Variants in MAN1C1 observed in about 807,000 individuals in gnomAD.
The protein encoded by MAN1C1 is mannosidase alpha class 1C member 1.
A neutral mutation model predicts 71.5 loss-of-function variants in MAN1C1; 49 were observed. The ratio of observed to expected loss-of-function variants is 0.69; its 90% confidence interval spans 0.54 to 0.87. The LOEUF (loss-of-function observed/expected upper bound fraction) is 0.87. Ranked by LOEUF, MAN1C1 falls within the 40% of genes least tolerant of loss-of-function variation. The pLI is 0.00. For missense variants in MAN1C1, 743 were observed against 835.0 expected (o/e 0.89, Z 1.36); for synonymous variants, 352 against 343.7 (o/e 1.02, Z -0.27).
chr1:25,752,582 G>A (rs1320228744), intron 4 of MAN1C1, among the ~76,000 whole-genome samples: 1 of 152,192 alleles, frequency 6.6e-6, no homozygotes. Flanking sequence ...TCTAAACAAT[G>A]CTGGAATAAA....
intron 1 of MAN1C1, among the ~76,000 whole-genome samples, chr1:25,681,050 T>C (rs1265811874): frequency 1.3e-5 from 2 of 151,246 alleles, no homozygotes; most frequent in Non-Finnish European, 3.0e-5. Context: ...GAGAAACCCC[T>C]TCTCTACTAA....
intron 3 of MAN1C1, 123 bp from the exon 4 acceptor site, chr1:25,749,132 T>A (rs2047177115): frequency 1.5e-6 from 1 of 679,016 alleles, no homozygotes; most frequent in African/African-American, 1.8e-5. Context: ...CATCGTCACC[T>A]TGCCTGGCTT....
At chr1:25,757,534 C>T (rs558234094) in intron 5 of MAN1C1, among the ~76,000 whole-genome samples, 1 of 152,194 alleles carries the variant, frequency 6.6e-6, no homozygotes, top group Admixed American at 6.5e-5. Flanking sequence ...GAACCACCCC[C>T]ATTCTGCACC....
At chr1:25,628,751 C>T (rs1371569110) in intron 1 of MAN1C1, among the ~76,000 whole-genome samples, 1 of 151,974 alleles carries the variant, frequency 6.6e-6, no homozygotes, top group Admixed American at 6.6e-5. Context: ...TTTTTAATCC[C>T]TCCCCCTTCT....
rs1373740217 is a variant in MAN1C1 at position 25,775,215 on chromosome 1, A to T, written c.1258-2890A>T. On this transcript the variant is annotated intron_variant, in intron 8 of 11. Coordinates refer to ENST00000374332, the MANE Select transcript of MAN1C1 (RefSeq NM_020379.4). The surrounding 1 kb of genome is among the most constrained non-coding windows in gnomAD (Gnocchi z 5.1). Reference sequence around the variant, plus strand: ...CACTCCTCCCCTGCACCGCAGGCTTAGTGACGCCGAGCAGCTGCCAGGGAC... The same window carrying T: ...CACTCCTCCCCTGCACCGCAGGCTTTGTGACGCCGAGCAGCTGCCAGGGAC... Among the ~76,000 whole-genome samples, 1 of 152,220 alleles carries T rather than the reference A, an allele frequency of 6.6e-6. No individual in the cohort carries two copies. The highest frequency in any genetic ancestry group is 1.5e-5 in the Non-Finnish European group (1 of 68,044).
intron 1 of MAN1C1, among the ~76,000 whole-genome samples, chr1:25,628,013 C>A (rs1181211193): frequency 1.3e-5 from 2 of 152,272 alleles, no homozygotes; most frequent in Admixed American, 1.3e-4. Flanking sequence ...CAACACTGTA[C>A]TCCAGCCTGG....
intron 2 of MAN1C1, among the ~76,000 whole-genome samples, chr1:25,721,457 C>A (rs1215839047): frequency 6.6e-6 from 1 of 152,010 alleles, no homozygotes; most frequent in Non-Finnish European, 1.5e-5. Flanking sequence ...CTTTAATTTC[C>A]CTCAACAATA....
rs142474590 is a variant in MAN1C1 at position 25,665,669 on chromosome 1, G to A, written c.541-20771G>A. 9.4e-3 allele frequency among the ~76,000 whole-genome samples: 1,435 copies of A among 152,094 alleles called. 13 individuals carry two copies. The highest frequency in any genetic ancestry group is 0.013 in the Non-Finnish European group (895 of 68,008). On this transcript the variant is annotated intron_variant, in intron 1 of 11. Coordinates refer to ENST00000374332, the MANE Select transcript of MAN1C1 (RefSeq NM_020379.4). ...GAAGATCACTGATGGAGAAAACAGG[G>A]CATTAGATATTGCAGGTGGAGTCTG...
chr1:25,707,942 C>A lies in MAN1C1; in HGVS notation c.637+21406C>A, dbSNP rs1188442851. Among the ~76,000 whole-genome samples the A allele has an allele frequency of 2.0e-5, 3 of 152,132 alleles. No homozygotes were observed. In the East Asian group the frequency reaches 5.8e-4, roughly 29 times the overall value. ...GGCTGGGATGGACCCCCAGGATGGA[C>A]CCTGTCAGAAGTCATGAACTGGCTG... On this transcript the variant is annotated intron_variant, in intron 2 of 11. Transcript: ENST00000374332.
At chr1:25,740,832 G>A (rs566939911) in intron 2 of MAN1C1, among the ~76,000 whole-genome samples, 26 of 152,160 alleles carry the variant, frequency 1.7e-4, no homozygotes, top group Admixed American at 1.0e-3. Context: ...CCAAGGGGGC[G>A]GGGAGGAAGC....
Position 25,763,969 on chromosome 1 carries a change from T to C in MAN1C1, c.1141+2T>C. The stretch of plus-strand genomic sequence containing the variant: ...CAGTGAGTGGGAACTGGGTGCAACG[T>C]GAGTACAGAGACGCCACTGCCCCTT... On this transcript the variant is annotated splice_donor_variant, in intron 7 of 11. Transcript: ENST00000374332. LOFTEE classifies it high-confidence loss of function. 1 of 1,612,644 alleles carries C rather than the reference T, an allele frequency of 6.2e-7. No homozygotes were observed. Among genetic ancestry groups the C allele is most frequent in the South Asian group, 1.1e-5 (1 of 91,048 alleles).
chr1:25,731,833 G>C (rs2046913579), intron 2 of MAN1C1, among the ~76,000 whole-genome samples: 1 of 152,170 alleles, frequency 6.6e-6, no homozygotes, highest in Non-Finnish European at 1.5e-5. Context: ...CACCTGTCTG[G>C]CCTGTGGTCA....
chr1:25,737,486 G>A (rs2046998846), intron 2 of MAN1C1, among the ~76,000 whole-genome samples: 1 of 152,180 alleles, frequency 6.6e-6, no homozygotes, highest in Non-Finnish European at 1.5e-5. Context: ...GTAAAGTGTT[G>A]GAGAGCCCCA....
chr1:25,724,436 C>T (rs947354850), intron 2 of MAN1C1, among the ~76,000 whole-genome samples: 8 of 152,154 alleles, frequency 5.3e-5, no homozygotes, highest in Admixed American at 2.6e-4. Flanking sequence ...CTCTGTTCCA[C>T]GCATCTCTGC....
chr1:25,641,142 G>A (rs1014342203), intron 1 of MAN1C1, among the ~76,000 whole-genome samples: 3 of 152,238 alleles, frequency 2.0e-5, no homozygotes, highest in African/African-American at 7.2e-5. Flanking sequence ...CTGGAACAAT[G>A]CTTCCTGGAC....
intron 2 of MAN1C1, among the ~76,000 whole-genome samples, chr1:25,712,680 A>G (rs974953709): frequency 6.6e-6 from 1 of 152,162 alleles, no homozygotes; most frequent in Admixed American, 6.5e-5. Flanking sequence ...CACTTCTCGA[A>G]TAGGAAAACC....
intron 2 of MAN1C1, among the ~76,000 whole-genome samples, chr1:25,721,384 T>C (rs144166800): frequency 9.8e-4 from 149 of 152,366 alleles, no homozygotes; most frequent in African/African-American, 3.4e-3. Flanking sequence ...AATATTGCCA[T>C]TTTAATAATA....
chr1:25,772,229 A>G (rs1481071960), intron 8 of MAN1C1: 1 of 159,606 alleles, frequency 6.3e-6, no homozygotes. Context: ...CCAAGCTGGA[A>G]GAGGCCTCCT....
At chr1:25,700,896 G>A (rs899499048) in intron 2 of MAN1C1, among the ~76,000 whole-genome samples, 7 of 152,218 alleles carry the variant, frequency 4.6e-5, no homozygotes, top group Admixed American at 3.9e-4. Flanking sequence ...GGCTTGGAAG[G>A]AAGAGGCCTC....
Sources: allele counts gnomAD v4.1 joint callset (sites outside exome capture counted in the v4.1 genomes callset), GRCh38; gene constraint gnomAD v4.1.1; non-coding constraint Gnocchi (gnomAD v3.1); transcripts MANE v1.5; gene names NCBI Gene and HGNC (gene_info 2026-07-23, HGNC 2026-07-21).